The following SPPL2A variants were observed in gnomAD, a reference collection of about 807,000 sequenced individuals.
SPPL2A encodes the protein signal peptide peptidase-like 2A.
Under a neutral mutation model 63.8 loss-of-function variants are expected in SPPL2A, and 51 were observed. The ratio of observed to expected loss-of-function variants is 0.80; its 90% CI spans 0.64 to 1.01. The LOEUF (loss-of-function observed/expected upper bound fraction) is 1.01, where lower values mean the gene tolerates loss of function less well. Among genes scored for constraint, SPPL2A ranks in the 50% least tolerant of loss-of-function variants. SPPL2A has a pLI of 0.00. For synonymous variants in SPPL2A, 188 were observed against 205.8 expected, an observed-to-expected ratio of 0.91 and a Z score of 0.74; for missense variants, 553 against 622.7, an observed-to-expected ratio of 0.89 and a Z score of 1.19.
intron 2 of SPPL2A, 135 bp downstream of exon 2, chr15:50,749,501 T>A: frequency 3.2e-6 from 2 of 634,204 alleles, no homozygotes; most frequent in South Asian, 3.6e-5. Flanking sequence ...TTAGCCAGGA[T>A]GGTCTTGATC....
intron 6 of SPPL2A, 139 bp downstream of exon 6, chr15:50,739,541 A>C (rs2062800875): frequency 1.9e-6 from 1 of 531,958 alleles, no homozygotes; most frequent in Non-Finnish European, 3.1e-6. Flanking sequence ...CACTCTGATA[A>C]TTAAAAAAAA....
rs2062654128 is a variant in SPPL2A at position 50,722,195 on chromosome 15, A to C, written c.1256T>G (p.Leu419Trp). 6.3e-7 allele frequency: 1 copy of C among 1,579,460 alleles called. No homozygotes were observed. The highest frequency in any genetic ancestry group is 1.3e-5 in the African/African-American group (1 of 74,298). Residue 419 changes from leucine (L) to tryptophan (W), a missense_variant, in exon 13 of 15, where the codon TTG (leucine) becomes TGG (tryptophan). Transcript: ENST00000261854. The part of the protein sequence containing the change: ...GFGDIIVPGL[L>W]IAYCRRFDVQ... ...ATCAAATCTTCTACAGTATGCAATCAACAGGCCTTAAAAACAAAACAAAAC... is the reference window on the plus strand; with the variant it reads ...ATCAAATCTTCTACAGTATGCAATCCACAGGCCTTAAAAACAAAACAAAAC...
intron 14 of SPPL2A, among the ~76,000 whole-genome samples, chr15:50,709,642 T>C (rs948397757): frequency 1.4e-4 from 21 of 151,800 alleles, no homozygotes; most frequent in Admixed American, 5.3e-4. Flanking sequence ...ATACAAAAAT[T>C]AGCCAAGCGT....
intron 11 of SPPL2A, chr15:50,726,013 G>C (rs2141030200): frequency 8.9e-7 from 1 of 1,123,936 alleles, no homozygotes; most frequent in Non-Finnish European, 1.2e-6. Context: ...CCAAAGAAGA[G>C]TCTTGTCTCA....
intron 14 of SPPL2A, among the ~76,000 whole-genome samples, chr15:50,711,205 CCTT>C (rs1318741604): frequency 3.1e-4 from 40 of 127,668 alleles, no homozygotes; most frequent in Admixed American, 2.4e-3. Flanking sequence ...AAATTAGTAT[CCTT>C]TTTTTTTTTT....
chr15:50,764,465 T>C (rs1343256352), intron 1 of SPPL2A: 1 of 152,212 alleles, frequency 6.6e-6, no homozygotes, highest in Non-Finnish European at 1.5e-5. Context: ...TTTTGGTTTT[T>C]CAATAAATAT....
intron 5 of SPPL2A, among the ~76,000 whole-genome samples, chr15:50,740,427 C>CAAAAAAAAAAAA (rs34361362): frequency 5.0e-5 from 3 of 60,078 alleles, no homozygotes; most frequent in African/African-American, 2.1e-4. Flanking sequence ...AACTCCGTCT[C>CAAAAAAAAAAAA]AAAAAAAAAA....
chr15:50,703,559 CA>C lies in SPPL2A; in HGVS notation c.*4240del. 1 of 151,312 alleles carries C rather than the reference CA, an allele frequency of 6.6e-6. No individual in the cohort carries two copies. Among genetic ancestry groups the C allele is most frequent in the South Asian group, 2.1e-4 (1 of 4,788 alleles). 9.4% of individuals were successfully genotyped at this position (151,312 alleles called of 1,614,324 possible). On this transcript the variant is annotated 3_prime_UTR_variant, in exon 15 of 15. Coordinates refer to ENST00000261854, the MANE Select transcript of SPPL2A (RefSeq NM_032802.4). Reference sequence around the variant, plus strand: ...TGTATTTTTAGTAGAGACGGGGTTTCACCATGTTGGTCAGGCTGGTCTCAAA... The same window carrying C: ...TGTATTTTTAGTAGAGACGGGGTTTCCCATGTTGGTCAGGCTGGTCTCAAA...
chr15:50,749,911 G>A (rs2062893502), intron 1 of SPPL2A, 165 bp from the exon 2 acceptor site: 2 of 608,210 alleles, frequency 3.3e-6, no homozygotes, highest in Non-Finnish European at 2.9e-6. Flanking sequence ...GGATGGTTAG[G>A]AATATTAAAA....
intron 1 of SPPL2A, among the ~76,000 whole-genome samples, chr15:50,753,408 T>C (rs1481085468): frequency 6.6e-6 from 1 of 152,236 alleles, no homozygotes; most frequent in Non-Finnish European, 1.5e-5. Context: ...TCATAGATAT[T>C]GCATAGCTTC....
rs2062493005 is a variant in SPPL2A at position 50,703,826 on chromosome 15, C to A, written c.*3974G>T. The A allele has an allele frequency of 6.6e-6, 1 of 151,900 alleles. No individual in the cohort carries two copies. The highest frequency in any genetic ancestry group is 1.5e-5 in the Non-Finnish European group (1 of 68,004). The allele number at this position is 151,900 out of a possible 1,614,324, so 9.4% of individuals were successfully genotyped here. On this transcript the variant is annotated 3_prime_UTR_variant, in exon 15 of 15. Transcript: ENST00000261854. The stretch of plus-strand genomic sequence containing the variant: ...AAATATATACACCTACATGTACCCA[C>A]AATTTTTAAAAATGTAAAAATAGTA...
intron 7 of SPPL2A, 66 bp from the exon 8 acceptor site, chr15:50,736,268 A>T: frequency 1.1e-6 from 1 of 948,264 alleles, no homozygotes; most frequent in Non-Finnish European, 1.7e-6. Context: ...TATAAGAAGT[A>T]GCAAATATTA....
intron 9 of SPPL2A, among the ~76,000 whole-genome samples, chr15:50,731,791 G>C (rs930766075): frequency 5.3e-5 from 8 of 151,316 alleles, no homozygotes; most frequent in Non-Finnish European, 8.8e-5. Context: ...AGCAGGGCTT[G>C]GTGGTAGGTG....
chr15:50,763,541 C>A (rs1433018383), intron 1 of SPPL2A, among the ~76,000 whole-genome samples: 1 of 152,078 alleles, frequency 6.6e-6, no homozygotes, highest in Non-Finnish European at 1.5e-5. Flanking sequence ...AACCCTAGAA[C>A]CGAGGAATAT....
intron 2 of SPPL2A, 114 bp downstream of exon 2, chr15:50,749,522 A>C (rs572506743): frequency 1.4e-6 from 1 of 703,100 alleles, no homozygotes; most frequent in Non-Finnish European, 2.6e-6. Flanking sequence ...TCCTGACCTC[A>C]TGATCCGCCC....
chr15:50,724,158 C>G (rs901917382), intron 12 of SPPL2A, among the ~76,000 whole-genome samples: 1 of 152,132 alleles, frequency 6.6e-6, no homozygotes, highest in Non-Finnish European at 1.5e-5. Flanking sequence ...TGTCAACTTG[C>G]AAGGCAACGC....
intron 1 of SPPL2A, among the ~76,000 whole-genome samples, chr15:50,755,627 C>CAAAAAAAAAAAAAAA (rs148415568): frequency 2.6e-4 from 13 of 49,518 alleles, no homozygotes; most frequent in African/African-American, 3.7e-4. Flanking sequence ...CACCCTGTCT[C>CAAAAAAAAAAAAAAA]AAAAAAAAAA....
At chr15:50,717,268 G>A (rs911885363) in intron 14 of SPPL2A, among the ~76,000 whole-genome samples, 3 of 152,032 alleles carry the variant, frequency 2.0e-5, no homozygotes, top group Admixed American at 6.6e-5. Context: ...CCTATCTTCC[G>A]GACTCAAGCA....
chr15:50,736,707 G>C lies in SPPL2A; in HGVS notation c.767C>G (p.Ser256Ter). 6.2e-7 allele frequency: 1 copy of C among 1,608,024 alleles called. No homozygotes were observed. The highest frequency in any genetic ancestry group is 8.5e-7 in the Non-Finnish European group (1 of 1,175,188). The change falls in exon 7 of 15, where the codon TCA (serine) becomes TGA (stop). Residue 256 changes from serine (S) to a stop codon, truncating the protein, a stop_gained. Transcript: ENST00000261854. LOFTEE classifies it high-confidence loss of function. ...YVMIAIFCIA[S>*]AMSLYNCLAA... The stretch of plus-strand genomic sequence containing the variant: ...AAGACAGTTGTACAGACTCATTGCT[G>C]ATGCTATGCAGAAAATTGCTATCAT...
Sources: allele counts gnomAD v4.1 joint callset (sites outside exome capture counted in the v4.1 genomes callset), GRCh38; gene constraint gnomAD v4.1.1; transcripts MANE v1.5; gene names NCBI Gene and HGNC (gene_info 2026-07-23, HGNC 2026-07-21).